PINX1: variants seen among roughly 807,000 people sequenced by gnomAD.
PINX1 encodes PIN2/TERF1-interacting telomerase inhibitor 1.
In PINX1, 34 loss-of-function variants were observed where a neutral mutation model predicts 25.4. The observed-to-expected ratio is 1.34, with a 90% CI of 1.02 to 1.78. The LOEUF (loss-of-function observed/expected upper bound fraction) is 1.78. Among genes scored for constraint, PINX1 ranks in the 40% most tolerant of loss-of-function variants. PINX1 has a pLI of 0.00. For synonymous variants in PINX1, 197 were observed against 147.7 expected (o/e 1.33, Z -2.42); for missense variants, 592 against 404.9 (o/e 1.46, Z -3.97).
rs78453325 is a variant in PINX1 at position 10,794,982 on chromosome 8, G to A, written c.471+25211C>T. Among the ~76,000 whole-genome samples, 194 of 152,232 alleles carry A rather than the reference G, an allele frequency of 1.3e-3. 1 individual carries two copies. The highest frequency in any genetic ancestry group is 6.8e-3 in the Middle Eastern group (2 of 294). On this transcript the variant is annotated intron_variant, in intron 6 of 6. Coordinates refer to ENST00000314787, the MANE Select transcript of PINX1 (RefSeq NM_017884.6). Reference sequence around the variant, plus strand: ...AGAATGCAGGTGGTGATAAAGGAGGGTGACGCTAGAAATGAACACCTCACG... The same window carrying A: ...AGAATGCAGGTGGTGATAAAGGAGGATGACGCTAGAAATGAACACCTCACG...
At chr8:10,832,758 G>A (rs1798260298) in intron 3 of PINX1, 134 bp downstream of exon 3, 1 of 557,684 alleles carries the variant, frequency 1.8e-6, no homozygotes, top group African/African-American at 1.9e-5. Context: ...CAAAGCGTCA[G>A]TGTTCAAGAG....
At chr8:10,796,688 C>G (rs1802094703) in intron 6 of PINX1, among the ~76,000 whole-genome samples, 1 of 151,706 alleles carries the variant, frequency 6.6e-6, no homozygotes, top group African/African-American at 2.4e-5. Context: ...GATTTTTTCC[C>G]CTTAGTAACC....
At chr8:10,797,944 T>C (rs990666737) in intron 6 of PINX1, among the ~76,000 whole-genome samples, 6 of 152,212 alleles carry the variant, frequency 3.9e-5, no homozygotes, top group Admixed American at 2.6e-4. Flanking sequence ...ACATTCTAAA[T>C]GATGAGCTAA....
chr8:10,808,669 G>A (rs1215090765), intron 6 of PINX1, among the ~76,000 whole-genome samples: 1 of 152,222 alleles, frequency 6.6e-6, no homozygotes, highest in Non-Finnish European at 1.5e-5. Flanking sequence ...CTCACGCAAT[G>A]TGGACCAGAA....
At chr8:10,811,669 G>T (rs1204918316) in intron 6 of PINX1, among the ~76,000 whole-genome samples, 1 of 152,196 alleles carries the variant, frequency 6.6e-6, no homozygotes, top group South Asian at 2.1e-4. Context: ...CTGCTCCCCA[G>T]GCAAGCTCGG....
intron 5 of PINX1, among the ~76,000 whole-genome samples, chr8:10,823,870 T>C (rs1030444567): frequency 1.3e-5 from 2 of 152,172 alleles, no homozygotes; most frequent in African/African-American, 4.8e-5. Context: ...ATTTAGGCAG[T>C]AGCAAATTTT....
chr8:10,787,335 T>C (rs1271816025), intron 6 of PINX1, among the ~76,000 whole-genome samples: 1 of 151,758 alleles, frequency 6.6e-6, no homozygotes, highest in African/African-American at 2.4e-5. Context: ...CAAGCAATCC[T>C]CCCACCACAG....
intron 5 of PINX1, among the ~76,000 whole-genome samples, chr8:10,824,463 T>C (rs1797975260): frequency 6.6e-6 from 1 of 152,158 alleles, no homozygotes. Flanking sequence ...AATCCTTCTG[T>C]TCTGCATACT....
At chr8:10,795,288 T>G (rs1206114096) in intron 6 of PINX1, among the ~76,000 whole-genome samples, 1 of 152,198 alleles carries the variant, frequency 6.6e-6, no homozygotes, top group African/African-American at 2.4e-5. Flanking sequence ...AGGGCTTGGC[T>G]TGCTCCCAGG....
intron 6 of PINX1, among the ~76,000 whole-genome samples, chr8:10,804,196 A>C (rs1257983311): frequency 6.6e-6 from 1 of 152,244 alleles, no homozygotes; most frequent in Non-Finnish European, 1.5e-5. Flanking sequence ...AGTGAGAGGC[A>C]GGATGGAGAT....
intron 4 of PINX1, among the ~76,000 whole-genome samples, chr8:10,826,874 G>T (rs1275703583): frequency 6.6e-6 from 1 of 152,220 alleles, no homozygotes; most frequent in African/African-American, 2.4e-5. Context: ...CAAAGATGAG[G>T]CATGAGGTTG....
At chr8:10,804,392 G>A (rs978976877) in intron 6 of PINX1, among the ~76,000 whole-genome samples, 3 of 152,178 alleles carry the variant, frequency 2.0e-5, no homozygotes, top group Non-Finnish European at 4.4e-5. Flanking sequence ...ACAGAGCTGG[G>A]TGAGAAGAGC....
chr8:10,817,381 G>C (rs1797730018), intron 6 of PINX1, among the ~76,000 whole-genome samples: 1 of 152,210 alleles, frequency 6.6e-6, no homozygotes, highest in Non-Finnish European at 1.5e-5. Flanking sequence ...TCTGATCAAA[G>C]TCCTCCTGCC....
chr8:10,780,391 T>C (rs892192179), intron 6 of PINX1, among the ~76,000 whole-genome samples: 9 of 152,182 alleles, frequency 5.9e-5, no homozygotes, highest in African/African-American at 2.2e-4. Flanking sequence ...AAATTTTCTT[T>C]CTGTACCTAA....
At chr8:10,826,070 T>C (rs931453297) in intron 5 of PINX1, 82 bp downstream of exon 5, 2 of 715,952 alleles carry the variant, frequency 2.8e-6, no homozygotes, top group Middle Eastern at 2.4e-4. Flanking sequence ...GAAGTCGCTA[T>C]TGGCCCAGAG....
chr8:10,816,909 C>T (rs1797715503), intron 6 of PINX1, among the ~76,000 whole-genome samples: 1 of 152,168 alleles, frequency 6.6e-6, no homozygotes, highest in Non-Finnish European at 1.5e-5. Context: ...CTCACTGCTA[C>T]AGAGGAGATA....
chr8:10,812,062 C>A (rs1312377589), intron 6 of PINX1, among the ~76,000 whole-genome samples: 2 of 152,128 alleles, frequency 1.3e-5, no homozygotes, highest in Non-Finnish European at 2.9e-5. Flanking sequence ...AATTGGAACA[C>A]CCTACCCAAG....
At chr8:10,826,437 A>G (rs1798046865) in intron 4 of PINX1, among the ~76,000 whole-genome samples, 193 bp from the exon 5 acceptor site, 1 of 152,238 alleles carries the variant, frequency 6.6e-6, no homozygotes, top group Non-Finnish European at 1.5e-5. Flanking sequence ...ATGATTAGAA[A>G]TATTTCCTTA....
chr8:10,775,416 T>TTTTG (rs1563203244), intron 6 of PINX1, among the ~76,000 whole-genome samples: 5 of 145,750 alleles, frequency 3.4e-5, no homozygotes, highest in African/African-American at 5.0e-5. Context: ...TGTGGTTTTT[T>TTTTG]TTTTTTTTTT....
Sources: allele counts gnomAD v4.1 joint callset (sites outside exome capture counted in the v4.1 genomes callset), GRCh38; gene constraint gnomAD v4.1.1; transcripts MANE v1.5; gene names NCBI Gene and HGNC (gene_info 2026-07-23, HGNC 2026-07-21).